The following ZNF362 variants were observed in gnomAD, a reference collection of about 807,000 sequenced individuals.
ZNF362 encodes zinc finger protein 362, also known as rotund homolog.
ZNF362 carries 11 observed loss-of-function variants against 42.9 expected under a neutral mutation model. The ratio of observed to expected loss-of-function variants is 0.26; its 90% CI spans 0.16 to 0.42. The LOEUF is 0.42. Ranked by LOEUF, ZNF362 falls within the 20% of genes least tolerant of loss-of-function variation. ZNF362 has a pLI of 1.00. For missense variants in ZNF362, 362 were observed against 576.2 expected (o/e 0.63, Z 3.81); for synonymous variants, 255 against 257.3 (o/e 0.99, Z 0.09).
At chr1:33,211,379 T>A in the ZNF362 span, among the ~76,000 whole-genome samples, 1 of 152,220 alleles carries the variant, frequency 6.6e-6, no homozygotes, top group Admixed American at 6.5e-5. Context: ...TGGTACCGTT[T>A]GTTCATGTCC....
chr1:33,237,005 A>G, the ZNF362 span, among the ~76,000 whole-genome samples: 1 of 152,044 alleles, frequency 6.6e-6, no homozygotes, highest in Non-Finnish European at 1.5e-5. Flanking sequence ...TGGGAGGCGG[A>G]GGTTGTAGTG....
At chr1:33,155,049 C>T in the ZNF362 span, among the ~76,000 whole-genome samples, 3 of 144,980 alleles carry the variant, frequency 2.1e-5, no homozygotes, top group East Asian at 2.2e-4. Flanking sequence ...GCCGAGATCG[C>T]GCCACTGCAC....
chr1:33,187,001 A>C, the ZNF362 span, among the ~76,000 whole-genome samples: 1 of 151,870 alleles, frequency 6.6e-6, no homozygotes, highest in Non-Finnish European at 1.5e-5. Context: ...CAGGGAAGGG[A>C]AGGCAGCCCC....
the ZNF362 span, chr1:33,147,281 G>A: frequency 1.5e-5 from 25 of 1,613,990 alleles, no homozygotes; most frequent in South Asian, 4.4e-5. This position sits in a 1 kb window ranked among gnomAD's most constrained non-coding sequence, Gnocchi z 8.1. Context: ...AACTTCTCGC[G>A]GAAGGTGTAG....
chr1:33,195,589 C>A, the ZNF362 span: 1 of 152,154 alleles, frequency 6.6e-6, no homozygotes, highest in African/African-American at 2.4e-5. Context: ...GTATTGAATA[C>A]TGTTGGCAAT....
the ZNF362 span, among the ~76,000 whole-genome samples, chr1:33,189,468 T>A: frequency 8.6e-5 from 13 of 151,480 alleles, no homozygotes; most frequent in Non-Finnish European, 2.9e-5. Flanking sequence ...CAACTTACAA[T>A]GGGAAACTCT....
chr1:33,130,975 T>C, the ZNF362 span, among the ~76,000 whole-genome samples: 1 of 152,084 alleles, frequency 6.6e-6, no homozygotes, highest in Admixed American at 6.5e-5. Flanking sequence ...CAGTGTTTGG[T>C]AATGTGAGGG....
the ZNF362 span, among the ~76,000 whole-genome samples, chr1:33,166,922 T>C: frequency 2.0e-5 from 3 of 152,194 alleles, no homozygotes; most frequent in Non-Finnish European, 2.9e-5. Flanking sequence ...TTAAGAAATA[T>C]TGCATTAAAT....
At chr1:33,196,239 G>T in the ZNF362 span, 26,042 of 151,878 alleles carry the variant, frequency 0.17, 2,621 homozygotes, top group East Asian at 0.31. Context: ...AATTAGCCGG[G>T]CATGGTGGCA....
the ZNF362 span, among the ~76,000 whole-genome samples, chr1:33,145,019 C>A: frequency 6.6e-6 from 1 of 152,204 alleles, no homozygotes; most frequent in Non-Finnish European, 1.5e-5. Context: ...GGTCATTTTT[C>A]TAAAGTCACA....
At chr1:33,256,302 G>A (rs867244101), upstream of ZNF362, among the ~76,000 whole-genome samples, 38 of 142,766 alleles carry the variant, frequency 2.7e-4, no homozygotes, top group African/African-American at 8.8e-4. Context: ...GCCAGCGCCC[G>A]GCGCTGCCCA....
the ZNF362 span, among the ~76,000 whole-genome samples, chr1:33,202,647 G>A: frequency 1.3e-5 from 2 of 151,336 alleles, no homozygotes; most frequent in Non-Finnish European, 2.9e-5. Context: ...TATGCCTCGG[G>A]AATGTAAGAT....
chr1:33,157,554 A>G, the ZNF362 span, among the ~76,000 whole-genome samples: 2,467 of 151,816 alleles, frequency 0.016, 81 homozygotes, highest in African/African-American at 0.056. Context: ...TCTACTTTCT[A>G]TCTCACACCC....
intron 2 of ZNF362, among the ~76,000 whole-genome samples, chr1:33,271,022 G>A (rs907365408): frequency 7.9e-5 from 12 of 151,978 alleles, no homozygotes; most frequent in South Asian, 2.1e-4. Flanking sequence ...TGGCCCAGGC[G>A]CAGCCCCTGC....
the ZNF362 span, among the ~76,000 whole-genome samples, chr1:33,171,201 A>C: frequency 6.6e-6 from 1 of 152,198 alleles, no homozygotes. Context: ...GTCACACAGG[A>C]AACTGGAGCC....
chr1:33,236,480 T>C, the ZNF362 span, among the ~76,000 whole-genome samples: 4 of 129,148 alleles, frequency 3.1e-5, no homozygotes, highest in East Asian at 4.7e-4. Context: ...AACCCGGGAG[T>C]TCAAGATACT....
intron 6 of ZNF362, among the ~76,000 whole-genome samples, chr1:33,291,737 T>G (rs574724361): frequency 3.9e-5 from 6 of 152,208 alleles, no homozygotes; most frequent in Non-Finnish European, 7.3e-5. Flanking sequence ...CTCTTTTATT[T>G]ATTTATTATT....
At chr1:33,240,634 T>C in the ZNF362 span, among the ~76,000 whole-genome samples, 2 of 83,154 alleles carry the variant, frequency 2.4e-5, no homozygotes, top group Admixed American at 1.4e-4. Flanking sequence ...CTGCAAAATG[T>C]ATTTGTTTGT....
At chr1:33,157,480 C>T in the ZNF362 span, among the ~76,000 whole-genome samples, 5 of 152,164 alleles carry the variant, frequency 3.3e-5, no homozygotes, top group Non-Finnish European at 5.9e-5. Flanking sequence ...CTCACCTTTC[C>T]CAGCCCCCTT....
Sources: allele counts gnomAD v4.1 joint callset (sites outside exome capture counted in the v4.1 genomes callset), GRCh38; gene constraint gnomAD v4.1.1; non-coding constraint Gnocchi (gnomAD v3.1); transcripts MANE v1.5; gene names NCBI Gene and HGNC (gene_info 2026-07-23, HGNC 2026-07-21).